Variants in EYS observed in about 807,000 individuals in gnomAD.
EYS encodes the protein protein eyes shut homolog.
In EYS, 250 loss-of-function variants were observed where a neutral mutation model predicts 282.1. That is an observed-to-expected ratio of 0.89 (90% CI 0.80 to 0.98). The LOEUF is 0.98. Ranked by LOEUF, EYS falls within the 50% of genes least tolerant of loss-of-function variation. The pLI is 0.00. For missense variants in EYS, 4,016 were observed against 3,709.0 expected (o/e 1.08, Z -2.15); for synonymous variants, 1,355 against 1,282.9 (o/e 1.06, Z -1.20).
At chr6:63,856,657 G>C (rs1012313499) in intron 36 of EYS, among the ~76,000 whole-genome samples, 1 of 152,110 alleles carries the variant, frequency 6.6e-6, no homozygotes, top group Non-Finnish European at 1.5e-5. Context: ...TAAGATGAGA[G>C]GTAATGGTTC....
At chr6:65,339,965 A>G (rs2150317008) in intron 10 of EYS, among the ~76,000 whole-genome samples, 1 of 151,324 alleles carries the variant, frequency 6.6e-6, no homozygotes, top group South Asian at 2.1e-4. Flanking sequence ...AGGGGCCTGT[A>G]GGCAATAAGA....
At chr6:65,611,229 T>C (rs1191192153) in intron 2 of EYS, among the ~76,000 whole-genome samples, 2 of 151,688 alleles carry the variant, frequency 1.3e-5, no homozygotes, top group African/African-American at 4.8e-5. Flanking sequence ...GGTATATGCA[T>C]GTCTTCTTCA....
chr6:64,683,317 G>A (rs566104953), intron 22 of EYS, among the ~76,000 whole-genome samples: 1 of 152,092 alleles, frequency 6.6e-6, no homozygotes, highest in African/African-American at 2.4e-5. Flanking sequence ...TAATTAAAAG[G>A]AGCCAATATC....
chr6:65,196,326 T>C (rs1425480353), intron 12 of EYS, among the ~76,000 whole-genome samples: 1 of 151,898 alleles, frequency 6.6e-6, no homozygotes, highest in African/African-American at 2.4e-5. Context: ...ATTCCCATGG[T>C]TTTTTATATG....
chr6:64,054,513 A>G (rs1331526460), intron 33 of EYS, among the ~76,000 whole-genome samples: 1 of 152,158 alleles, frequency 6.6e-6, no homozygotes, highest in African/African-American at 2.4e-5. Flanking sequence ...AAGCTTGATT[A>G]TAAGACACAT....
At chr6:64,753,911 A>G (rs917610453) in intron 22 of EYS, among the ~76,000 whole-genome samples, 3 of 152,116 alleles carry the variant, frequency 2.0e-5, no homozygotes, top group African/African-American at 7.2e-5. Context: ...ATATATTTTT[A>G]ACCTCAGTGG....
chr6:65,367,370 T>G (rs556332826), intron 8 of EYS, among the ~76,000 whole-genome samples: 1 of 151,896 alleles, frequency 6.6e-6, no homozygotes, highest in Non-Finnish European at 1.5e-5. Context: ...CACAAATGAT[T>G]TATTCTTAAC....
chr6:64,884,915 G>A (rs1767040929), intron 19 of EYS, among the ~76,000 whole-genome samples: 1 of 151,552 alleles, frequency 6.6e-6, no homozygotes, highest in Non-Finnish European at 1.5e-5. Flanking sequence ...ATATTAGCAG[G>A]TTTTGATTGT....
intron 2 of EYS, among the ~76,000 whole-genome samples, chr6:65,563,521 TC>T (rs1457841618): frequency 2.0e-5 from 3 of 152,092 alleles, no homozygotes; most frequent in Non-Finnish European, 4.4e-5. Context: ...TAGTATCTCT[TC>T]GGAAATATAT....
intron 22 of EYS, among the ~76,000 whole-genome samples, chr6:64,758,000 G>C (rs1156813755): frequency 1.3e-5 from 2 of 152,060 alleles, no homozygotes; most frequent in South Asian, 4.1e-4. Context: ...GGTCTTGATC[G>C]CCTGACCTCC....
chr6:64,892,350 T>A (rs1398799366), intron 18 of EYS, among the ~76,000 whole-genome samples: 9 of 151,922 alleles, frequency 5.9e-5, no homozygotes, highest in African/African-American at 9.7e-5. Flanking sequence ...CAGAATGTTT[T>A]AATGAGAGTT....
intron 31 of EYS, among the ~76,000 whole-genome samples, chr6:64,149,922 T>C (rs531237012): frequency 3.9e-5 from 6 of 152,308 alleles, no homozygotes; most frequent in East Asian, 3.9e-4. Context: ...TGGAGGGTTA[T>C]TGTGAATATC....
intron 22 of EYS, among the ~76,000 whole-genome samples, chr6:64,685,316 A>AT (rs1190003117): frequency 4.6e-5 from 7 of 152,214 alleles, no homozygotes; most frequent in Non-Finnish European, 8.8e-5. Flanking sequence ...AAAAAATCTC[A>AT]AATTCTTATT....
chr6:65,275,641 G>T (rs573723922), intron 12 of EYS, among the ~76,000 whole-genome samples: 1 of 152,144 alleles, frequency 6.6e-6, no homozygotes, highest in Non-Finnish European at 1.5e-5. Flanking sequence ...ATCATATATG[G>T]ATTCATGGGC....
chr6:64,589,362 A>G (rs568155197), intron 26 of EYS, among the ~76,000 whole-genome samples: 1 of 152,236 alleles, frequency 6.6e-6, no homozygotes, highest in South Asian at 2.1e-4. Context: ...ACAACCATAC[A>G]TACACAGACA....
At chr6:65,542,695 T>C (rs1183981520) in intron 2 of EYS, among the ~76,000 whole-genome samples, 1 of 152,134 alleles carries the variant, frequency 6.6e-6, no homozygotes, top group Non-Finnish European at 1.5e-5. Context: ...AAAGATGATT[T>C]ATAACCCCAA....
intron 26 of EYS, among the ~76,000 whole-genome samples, chr6:64,502,223 T>G (rs1049669009): frequency 3.5e-5 from 2 of 56,574 alleles, no homozygotes; most frequent in Admixed American, 1.6e-4. Flanking sequence ...GCAGGCTGGT[T>G]TTTTTTTTGT....
chr6:64,432,253 C>T (rs1774595970), intron 28 of EYS, among the ~76,000 whole-genome samples: 1 of 152,012 alleles, frequency 6.6e-6, no homozygotes, highest in African/African-American at 2.4e-5. Context: ...AAGATATTGA[C>T]TCAAATTAGG....
intron 29 of EYS, among the ~76,000 whole-genome samples, chr6:64,345,869 A>G (rs1771366779): frequency 6.6e-6 from 1 of 152,038 alleles, no homozygotes; most frequent in South Asian, 2.1e-4. Flanking sequence ...AAAATAAAAA[A>G]CCCTATCAAA....
Sources: allele counts gnomAD v4.1 joint callset (sites outside exome capture counted in the v4.1 genomes callset), GRCh38; gene constraint gnomAD v4.1.1; transcripts MANE v1.5; gene names NCBI Gene and HGNC (gene_info 2026-07-23, HGNC 2026-07-21).